Variants in HOMER1 observed in about 807,000 individuals in gnomAD.
HOMER1 encodes the protein homer scaffold protein 1, also known as homer protein homolog 1.
HOMER1 carries 3 observed loss-of-function variants against 48.9 expected under a neutral mutation model. The ratio of observed to expected loss-of-function variants is 0.06; its 90% CI spans 0.03 to 0.16. HOMER1 has a LOEUF of 0.16. Ranked by LOEUF, HOMER1 falls within the 10% of genes least tolerant of loss-of-function variation. The pLI is 1.00. For missense variants in HOMER1, 247 were observed against 411.4 expected (o/e 0.60, Z 3.46); for synonymous variants, 134 against 146.4 (o/e 0.92, Z 0.61).
At chr5:79,478,402 T>C (rs1751845280) in intron 1 of HOMER1, among the ~76,000 whole-genome samples, 1 of 152,148 alleles carries the variant, frequency 6.6e-6, no homozygotes, top group Non-Finnish European at 1.5e-5. Flanking sequence ...AAATATAAAA[T>C]ACTAGGCTGG....
At chr5:79,438,816 C>T (rs1215420886) in intron 5 of HOMER1, among the ~76,000 whole-genome samples, 194 bp downstream of exon 5, 2 of 145,954 alleles carry the variant, frequency 1.4e-5, no homozygotes, top group East Asian at 4.0e-4. Flanking sequence ...ATCTATGCAA[C>T]TATAAACTAT....
intron 6 of HOMER1, among the ~76,000 whole-genome samples, chr5:79,398,779 T>C (rs537275678): frequency 5.1e-4 from 78 of 152,246 alleles, no homozygotes; most frequent in African/African-American, 1.8e-3. Context: ...ACTCAGTGAG[T>C]ACTTCCAACT....
At chr5:79,386,358 A>C (rs1749109693) in intron 8 of HOMER1, among the ~76,000 whole-genome samples, 1 of 152,230 alleles carries the variant, frequency 6.6e-6, no homozygotes, top group Non-Finnish European at 1.5e-5. Context: ...GAACTAAGCC[A>C]GGCACAGAAA....
chr5:79,511,257 T>TTTTCAGTATC (rs1459815569), intron 1 of HOMER1, among the ~76,000 whole-genome samples: 1 of 152,318 alleles, frequency 6.6e-6, no homozygotes, highest in African/African-American at 2.4e-5. Context: ...TTTTCAGTAT[T>TTTTCAGTATC]TTTCTCATTT....
At chr5:79,474,510 G>A (rs917860775) in intron 1 of HOMER1, among the ~76,000 whole-genome samples, 1 of 151,954 alleles carries the variant, frequency 6.6e-6, no homozygotes, top group Non-Finnish European at 1.5e-5. Context: ...AACTCCCATT[G>A]GATCATCAAC....
Position 79,491,075 on chromosome 5 carries a change from C to CAAAAAAAAAAAA in HOMER1, c.5+21683_5+21694dup, listed in dbSNP as rs10527802. Among the ~76,000 whole-genome samples the CAAAAAAAAAAAA allele has an allele frequency of 3.2e-4, 12 of 37,248 alleles. 2 individuals carry two copies. The highest frequency in any genetic ancestry group is 8.7e-4 in the Non-Finnish European group (11 of 12,688). The allele number at this position is 37,248 out of a possible 152,430, so 24.4% of individuals were successfully genotyped here. On this transcript the variant is annotated intron_variant, in intron 1 of 8. Coordinates refer to ENST00000334082, the MANE Select transcript of HOMER1 (RefSeq NM_004272.5). The stretch of plus-strand genomic sequence containing the variant: ...TTTTTGGCCTTCAGTAGTACCAAAG[C>CAAAAAAAAAAAA]AAAAAAAAAAAAAAAAAAAAAAAAA...
At chr5:79,461,977 T>C (rs1019562994) in intron 1 of HOMER1, among the ~76,000 whole-genome samples, 1 of 152,126 alleles carries the variant, frequency 6.6e-6, no homozygotes, top group African/African-American at 2.4e-5. Context: ...GGTGGGTTCA[T>C]CACTTGAGGT....
chr5:79,512,026 T>C (rs1752957688), intron 1 of HOMER1, among the ~76,000 whole-genome samples: 1 of 152,224 alleles, frequency 6.6e-6, no homozygotes, highest in African/African-American at 2.4e-5. Flanking sequence ...ACCCACAGTG[T>C]GAAGAGTTAA....
intron 2 of HOMER1, 108 bp from the exon 3 acceptor site, chr5:79,451,229 C>A: frequency 9.6e-7 from 1 of 1,046,648 alleles, no homozygotes; most frequent in Non-Finnish European, 1.4e-6. Context: ...TAAGCCACAA[C>A]GTTAAATACA....
intron 5 of HOMER1, among the ~76,000 whole-genome samples, chr5:79,427,898 A>G (rs1230033643): frequency 6.6e-6 from 1 of 152,068 alleles, no homozygotes; most frequent in Non-Finnish European, 1.5e-5. Flanking sequence ...AAAGGAAAAA[A>G]ATCAACTAAA....
chr5:79,467,169 C>T (rs568876998), intron 1 of HOMER1, among the ~76,000 whole-genome samples: 5 of 151,174 alleles, frequency 3.3e-5, no homozygotes, highest in East Asian at 4.0e-4. Context: ...GAAGCTAAGG[C>T]GGGCGGATCA....
rs190461831 is a variant in HOMER1, at chr5:79,511,657, C to T, written c.5+1113G>A. Among the ~76,000 whole-genome samples, 233 of 152,276 alleles carry T rather than the reference C, an allele frequency of 1.5e-3. 3 individuals carry two copies. Among genetic ancestry groups the T allele is most frequent in the African/African-American group, 3.9e-3 (164 of 41,558 alleles). On this transcript the variant is annotated intron_variant, in intron 1 of 8. Transcript: ENST00000334082. ...ATTCAAGTTTTTAAAACCATTATAA[C>T]TTTGTCATTAATTTCTGAGGAACGT...
chr5:79,455,659 C>T (rs866207431), intron 2 of HOMER1, among the ~76,000 whole-genome samples: 15 of 152,290 alleles, frequency 9.8e-5, no homozygotes, highest in Middle Eastern at 3.4e-3. Context: ...AACAAAAATT[C>T]AAACCAGTCA....
intron 1 of HOMER1, among the ~76,000 whole-genome samples, chr5:79,509,068 C>T (rs1752857498): frequency 6.6e-6 from 1 of 152,114 alleles, no homozygotes; most frequent in Non-Finnish European, 1.5e-5. Context: ...TGCTACAACC[C>T]CTAGAGAGCA....
intron 1 of HOMER1, among the ~76,000 whole-genome samples, chr5:79,491,575 AGTTACT>A (rs1420439943): frequency 6.6e-6 from 1 of 151,444 alleles, no homozygotes; most frequent in Non-Finnish European, 1.5e-5. Context: ...TGTTGTTATG[AGTTACT>A]GTGATACTGG....
chr5:79,478,518 G>A (rs536988255), intron 1 of HOMER1, among the ~76,000 whole-genome samples: 69 of 144,152 alleles, frequency 4.8e-4, no homozygotes, highest in Non-Finnish European at 7.4e-4. Context: ...GTGAAACTTC[G>A]TCTCTACTAA....
At chr5:79,477,567 T>C (rs140727458) in intron 1 of HOMER1, among the ~76,000 whole-genome samples, 123 of 152,368 alleles carry the variant, frequency 8.1e-4, no homozygotes, top group African/African-American at 2.8e-3. Context: ...TCTGTTCAAA[T>C]TGAACAGGGA....
chr5:79,455,068 T>C lies in HOMER1; in HGVS notation c.162+1794A>G, dbSNP rs144988436. Among the ~76,000 whole-genome samples, 1,137 of 151,994 alleles carry C rather than the reference T, an allele frequency of 7.5e-3. 14 individuals carry two copies. Among genetic ancestry groups the C allele is most frequent in the African/African-American group, 0.026 (1,085 of 41,422 alleles). On this transcript the variant is annotated intron_variant, in intron 2 of 8. Transcript: ENST00000334082. ...TTAGCTCCAGCCCCAGTCTCCTGAG[T>C]AGCTAGGACTACAGGCATGCACCAA... is the stretch of plus-strand genomic sequence containing the variant.
chr5:79,464,327 A>C (rs1751395348), intron 1 of HOMER1, among the ~76,000 whole-genome samples: 1 of 152,168 alleles, frequency 6.6e-6, no homozygotes, highest in Non-Finnish European at 1.5e-5. Context: ...CCTTGATTTG[A>C]AGTAAACAGG....
Sources: allele counts gnomAD v4.1 joint callset (sites outside exome capture counted in the v4.1 genomes callset), GRCh38; gene constraint gnomAD v4.1.1; transcripts MANE v1.5; gene names NCBI Gene and HGNC (gene_info 2026-07-23, HGNC 2026-07-21).